NRCAM: variants seen among roughly 807,000 people sequenced by gnomAD.
NRCAM encodes NgCAM-related cell adhesion molecule.
A neutral mutation model predicts 156.5 loss-of-function variants in NRCAM; 83 were observed. That is an observed-to-expected ratio of 0.53 (90% CI 0.44 to 0.64). The LOEUF (loss-of-function observed/expected upper bound fraction) is 0.64. NRCAM is among the 30% of genes least tolerant of loss of function. NRCAM has a pLI of 0.00. For missense variants in NRCAM, 1,417 were observed against 1,597.3 expected (o/e 0.89, Z 1.92); for synonymous variants, 538 against 563.9 (o/e 0.95, Z 0.65).
intron 2 of NRCAM, among the ~76,000 whole-genome samples, chr7:108,368,234 A>ACCCCCCCC (rs1372350824): frequency 5.0e-5 from 3 of 60,354 alleles, no homozygotes; most frequent in Non-Finnish European, 1.1e-4. Context: ...ACCCCCCCCC[A>ACCCCCCCC]CCCCCCCGCC....
At chr7:108,193,486 C>G (rs2073331656) in intron 17 of NRCAM, among the ~76,000 whole-genome samples, 1 of 152,174 alleles carries the variant, frequency 6.6e-6, no homozygotes, top group African/African-American at 2.4e-5. Context: ...ATGCCATGAC[C>G]TTTCTTCCAT....
rs1157484876 is a variant in NRCAM at position 108,201,231 on chromosome 7, C to A, written c.1208-3132G>T. Among the ~76,000 whole-genome samples, 3 of 151,330 alleles carry A rather than the reference C, an allele frequency of 2.0e-5. No homozygotes were observed. The East Asian group carries it at 5.8e-4, about 29-fold the overall frequency. On this transcript the variant is annotated intron_variant, in intron 13 of 32. Coordinates refer to ENST00000379028, the MANE Select transcript of NRCAM (RefSeq NM_001037132.4). ...AGCACTTCTGGACCCAGCACTTGGG[C>A]TCTCAGTGCTGGGACTCTTCAGGGC...
At chr7:108,153,886 C>T (rs1240197328) in intron 32 of NRCAM, among the ~76,000 whole-genome samples, 1 of 151,816 alleles carries the variant, frequency 6.6e-6, no homozygotes, top group African/African-American at 2.4e-5. Context: ...GTAAGACCTC[C>T]GAAGAAAATA....
chr7:108,212,167 T>C (rs963008635), intron 11 of NRCAM, among the ~76,000 whole-genome samples: 29 of 152,286 alleles, frequency 1.9e-4, no homozygotes, highest in African/African-American at 6.7e-4. Context: ...GCTTGGCTCA[T>C]AGGAAGCCAC....
chr7:108,281,424 CAAGGAATA>C (rs1359136369), intron 3 of NRCAM, among the ~76,000 whole-genome samples: 1 of 151,882 alleles, frequency 6.6e-6, no homozygotes, highest in Non-Finnish European at 1.5e-5. Flanking sequence ...TACTAAAATA[CAAGGAATA>C]AAGGGATAAA....
chr7:108,321,252 AC>A (rs2098997641), intron 2 of NRCAM, among the ~76,000 whole-genome samples: 1 of 152,138 alleles, frequency 6.6e-6, no homozygotes, highest in African/African-American at 2.4e-5. Flanking sequence ...CTGTGTTATA[AC>A]CTACTAGTTC....
At chr7:108,255,694 C>G (rs1346191810) in intron 3 of NRCAM, among the ~76,000 whole-genome samples, 1 of 151,066 alleles carries the variant, frequency 6.6e-6, no homozygotes, top group Non-Finnish European at 1.5e-5. Context: ...AGCGCCTCTA[C>G]CCCGCTGCCC....
At chr7:108,402,457 T>C (rs1182065486) in intron 1 of NRCAM, among the ~76,000 whole-genome samples, 2 of 152,318 alleles carry the variant, frequency 1.3e-5, no homozygotes, top group Admixed American at 6.5e-5. Context: ...TTAATAATAA[T>C]GTGAAAAGAT....
intron 2 of NRCAM, among the ~76,000 whole-genome samples, chr7:108,373,058 C>T (rs2099639221): frequency 6.6e-6 from 1 of 152,030 alleles, no homozygotes; most frequent in Admixed American, 6.6e-5. Flanking sequence ...CATGGATGAA[C>T]ATTGAGGACA....
intron 24 of NRCAM, among the ~76,000 whole-genome samples, chr7:108,180,688 C>G (rs1450322407): frequency 6.6e-6 from 1 of 152,172 alleles, no homozygotes. Flanking sequence ...GAAAACAGCA[C>G]GAGACCCATG....
intron 2 of NRCAM, among the ~76,000 whole-genome samples, chr7:108,362,459 A>T (rs2099562349): frequency 6.6e-6 from 1 of 152,236 alleles, no homozygotes. Flanking sequence ...ATAGGATATT[A>T]TTCAGAGATA....
intron 13 of NRCAM, among the ~76,000 whole-genome samples, chr7:108,201,002 C>T (rs779429009): frequency 8.6e-5 from 13 of 151,862 alleles, no homozygotes; most frequent in Non-Finnish European, 8.8e-5. Context: ...TGGGGGGCAG[C>T]GAGGCATAAA....
intron 27 of NRCAM, among the ~76,000 whole-genome samples, chr7:108,176,021 T>A (rs952046449): frequency 1.3e-5 from 2 of 152,166 alleles, no homozygotes; most frequent in African/African-American, 4.8e-5. Context: ...AGAACTCGAA[T>A]TACATATATT....
At chr7:108,453,475 T>G (rs1465079064) in intron 1 of NRCAM, among the ~76,000 whole-genome samples, 1 of 152,194 alleles carries the variant, frequency 6.6e-6, no homozygotes, top group African/African-American at 2.4e-5. Flanking sequence ...ACTGTTACCG[T>G]AGCATTAACA....
chr7:108,392,420 C>T (rs527363023), intron 2 of NRCAM, among the ~76,000 whole-genome samples: 4 of 152,214 alleles, frequency 2.6e-5, no homozygotes, highest in Admixed American at 6.5e-5. Flanking sequence ...TTTTCAGCTC[C>T]ATCAGGTCAT....
chr7:108,279,658 C>T (rs1459095357), intron 3 of NRCAM, among the ~76,000 whole-genome samples: 1 of 143,220 alleles, frequency 7.0e-6, no homozygotes, highest in Non-Finnish European at 1.5e-5. Flanking sequence ...CACCCCTGGG[C>T]TCAAAGAATC....
intron 2 of NRCAM, among the ~76,000 whole-genome samples, chr7:108,371,467 T>A (rs2099628053): frequency 6.6e-6 from 1 of 152,172 alleles, no homozygotes; most frequent in South Asian, 2.1e-4. Flanking sequence ...CATGCTATTG[T>A]ACGTAAATGT....
At chr7:108,349,574 T>C (rs1211997443) in intron 2 of NRCAM, among the ~76,000 whole-genome samples, 1 of 152,196 alleles carries the variant, frequency 6.6e-6, no homozygotes, top group Non-Finnish European at 1.5e-5. Flanking sequence ...GGCTTAGTTA[T>C]GAACTCTTAA....
chr7:108,331,188 C>T (rs537682717), intron 2 of NRCAM, among the ~76,000 whole-genome samples: 119 of 152,198 alleles, frequency 7.8e-4, no homozygotes, highest in Non-Finnish European at 1.3e-3. Context: ...TGCTTGAGCC[C>T]AGGGGTCCAA....
Sources: allele counts gnomAD v4.1 joint callset (sites outside exome capture counted in the v4.1 genomes callset), GRCh38; gene constraint gnomAD v4.1.1; transcripts MANE v1.5; gene names NCBI Gene and HGNC (gene_info 2026-07-23, HGNC 2026-07-21).